The following GJB7 variants were observed in gnomAD, a reference collection of about 807,000 sequenced individuals.
The protein encoded by GJB7 is gap junction protein beta 7, also known as gap junction beta-7 protein.
For synonymous variants in GJB7, 87 were observed against 95.2 expected (o/e 0.91, Z 0.50); for missense variants, 253 against 256.8 (o/e 0.99, Z 0.10).
At chr6:87,300,840 A>G (rs1438069797) in intron 2 of GJB7, among the ~76,000 whole-genome samples, 1 of 152,262 alleles carries the variant, frequency 6.6e-6, no homozygotes, top group East Asian at 1.9e-4. Flanking sequence ...AGAATTGTGT[A>G]CAAACTAGGA....
intron 2 of GJB7, among the ~76,000 whole-genome samples, chr6:87,293,218 GAC>G (rs898080669): frequency 4.6e-5 from 7 of 152,022 alleles, no homozygotes; most frequent in African/African-American, 1.7e-4. Context: ...TTTTAGTAGA[GAC>G]AGGGTTTCAC....
intron 1 of GJB7, among the ~76,000 whole-genome samples, chr6:87,324,965 C>G (rs1290732175): frequency 6.6e-6 from 1 of 152,010 alleles, no homozygotes; most frequent in Non-Finnish European, 1.5e-5. Flanking sequence ...GTTTGTAGTT[C>G]TCCTTGAAGA....
Position 87,284,407 on chromosome 6 carries a change from A to C in GJB7, c.506T>G (p.Phe169Cys), listed in dbSNP as rs138195153. 36 of 1,614,092 alleles carry C rather than the reference A, an allele frequency of 2.2e-5. No individual in the cohort carries two copies. Among genetic ancestry groups the C allele is most frequent in the African/African-American group, 4.0e-5 (3 of 74,940 alleles). Residue 169 changes from phenylalanine (F) to cysteine (C), a missense_variant, in exon 3 of 3, where the codon TTC (phenylalanine) becomes TGC (cysteine). Phe to Cys is a radical substitution (Grantham distance 205). Coordinates refer to ENST00000525899, the MANE Select transcript of GJB7 (RefSeq NM_198568.3). ...LKPCPNTVDC[F>C]ISKPTEKTIF... is the part of the protein sequence containing the mutation. Reference sequence around the variant, plus strand: ...CGTCTTCTCAGTGGGTTTGGAGATGAAGCAGTCCACAGTGTTGGGACAAGG... The same window carrying C: ...CGTCTTCTCAGTGGGTTTGGAGATGCAGCAGTCCACAGTGTTGGGACAAGG...
At chr6:87,315,683 T>C (rs753782092) in intron 2 of GJB7, among the ~76,000 whole-genome samples, 1 of 151,540 alleles carries the variant, frequency 6.6e-6, no homozygotes, top group Non-Finnish European at 1.5e-5. Context: ...GTAGTTACTA[T>C]TGCTTGGGAG....
At chr6:87,322,466 T>C (rs575838021) in intron 2 of GJB7, 8 of 152,338 alleles carry the variant, frequency 5.3e-5, no homozygotes, top group African/African-American at 1.9e-4. Flanking sequence ...CCGGAAAGGC[T>C]AGCACTGGAT....
chr6:87,323,781 T>C (rs950116360), intron 1 of GJB7, among the ~76,000 whole-genome samples: 3 of 152,066 alleles, frequency 2.0e-5, no homozygotes, highest in African/African-American at 7.2e-5. Context: ...GTCCTTTGGG[T>C]ATATACCCAG....
chr6:87,325,965 A>G (rs900857529), intron 1 of GJB7, among the ~76,000 whole-genome samples: 6 of 152,164 alleles, frequency 3.9e-5, no homozygotes, highest in Non-Finnish European at 7.3e-5. Flanking sequence ...GTCTATTAAG[A>G]GATTCAACTT....
At chr6:87,327,063 T>C (rs1468360218) in intron 1 of GJB7, among the ~76,000 whole-genome samples, 1 of 150,842 alleles carries the variant, frequency 6.6e-6, no homozygotes, top group African/African-American at 2.5e-5. Flanking sequence ...GTTAAAAGTC[T>C]GTTTTATCAG....
intron 1 of GJB7, among the ~76,000 whole-genome samples, chr6:87,326,422 C>G (rs967216971): frequency 2.0e-5 from 3 of 152,080 alleles, no homozygotes; most frequent in Non-Finnish European, 2.9e-5. Context: ...AAATTTCCCT[C>G]TACATGCTGC....
At chr6:87,293,025 A>G (rs954452680) in intron 2 of GJB7, among the ~76,000 whole-genome samples, 1 of 152,114 alleles carries the variant, frequency 6.6e-6, no homozygotes, top group Non-Finnish European at 1.5e-5. Flanking sequence ...AGTTTATTTT[A>G]TTTTATTTTT....
chr6:87,300,109 G>A, intron 2 of GJB7: 1 of 304,190 alleles, frequency 3.3e-6, no homozygotes, highest in Non-Finnish European at 6.4e-6. Flanking sequence ...TTGAGCCTTG[G>A]ATTCATTAAC....
rs542721397 is a variant in GJB7 at position 87,328,913 on chromosome 6, G to T, written c.-206+225C>A. On this transcript the variant is annotated intron_variant, in intron 1 of 2. Transcript: ENST00000525899. ...GCTAGCAATCAGCCAGACTCCGTGG[G>T]CGTAGGACCCTCCGAACCACGTGCG... Among the ~76,000 whole-genome samples, 397 of 152,326 alleles carry T rather than the reference G, an allele frequency of 2.6e-3. 2 individuals carry two copies. Among genetic ancestry groups the T allele is most frequent in the African/African-American group, 9.3e-3 (388 of 41,582 alleles).
chr6:87,295,670 C>T (rs1347183387), intron 2 of GJB7, among the ~76,000 whole-genome samples: 2 of 152,098 alleles, frequency 1.3e-5, no homozygotes, highest in African/African-American at 4.8e-5. Flanking sequence ...ATTTTAATCA[C>T]AGTTCATTGC....
intron 2 of GJB7, among the ~76,000 whole-genome samples, chr6:87,296,593 A>G (rs1210554492): frequency 6.6e-6 from 1 of 152,240 alleles, no homozygotes; most frequent in Non-Finnish European, 1.5e-5. Flanking sequence ...GACAGGTAAT[A>G]GGTATTTAAT....
At chr6:87,312,231 G>C in intron 2 of GJB7, among the ~76,000 whole-genome samples, 1 of 146,696 alleles carries the variant, frequency 6.8e-6, no homozygotes, top group Non-Finnish European at 1.5e-5. Flanking sequence ...GGAGGTGGTC[G>C]GGCCGGGTGC....
chr6:87,304,023 G>A (rs1776379805), intron 2 of GJB7, among the ~76,000 whole-genome samples: 1 of 152,170 alleles, frequency 6.6e-6, no homozygotes, highest in African/African-American at 2.4e-5. Context: ...CACATTTAAA[G>A]CAGTGTGTAT....
In GJB7 at chr6:87,327,413, T is replaced by C. The variant is rs562120754; in HGVS notation, c.-206+1725A>G. The stretch of plus-strand genomic sequence containing the variant: ...GGTACAGGTTGTTCCTTTCCATGTT[T>C]AGTGCTTCCTTCAGGAGCTCTTTTA... On this transcript the variant is annotated intron_variant, in intron 1 of 2. Coordinates refer to ENST00000525899, the MANE Select transcript of GJB7 (RefSeq NM_198568.3). Among the ~76,000 whole-genome samples, 11 of 152,362 alleles carry C rather than the reference T, an allele frequency of 7.2e-5. No homozygotes were observed. In the South Asian group the frequency reaches 2.1e-3, roughly 29 times the overall value.
At chr6:87,304,456 C>A (rs969637596) in intron 2 of GJB7, among the ~76,000 whole-genome samples, 1 of 151,962 alleles carries the variant, frequency 6.6e-6, no homozygotes, top group Non-Finnish European at 1.5e-5. Context: ...ACACATACAC[C>A]CTCCCAAGAC....
At chr6:87,294,187 T>TCCCA (rs1776217328) in intron 2 of GJB7, among the ~76,000 whole-genome samples, 1 of 152,232 alleles carries the variant, frequency 6.6e-6, no homozygotes, top group Non-Finnish European at 1.5e-5. Flanking sequence ...GGATGAATAC[T>TCCCA]ATAAGCCTCA....
Sources: allele counts gnomAD v4.1 joint callset (sites outside exome capture counted in the v4.1 genomes callset), GRCh38; gene constraint gnomAD v4.1.1; transcripts MANE v1.5; gene names NCBI Gene and HGNC (gene_info 2026-07-23, HGNC 2026-07-21).